Variants in CADM2 observed in about 807,000 individuals in gnomAD.
CADM2 encodes the protein cell adhesion molecule 2.
CADM2 carries 12 observed loss-of-function variants against 49.8 expected under a neutral mutation model. The observed-to-expected ratio is 0.24, with a 90% CI of 0.15 to 0.39. The LOEUF is 0.39. Ranked by LOEUF, CADM2 falls within the 10% of genes least tolerant of loss-of-function variation. The probability of loss-of-function intolerance (pLI) is 1.00; values close to 1 mark genes in which losing one functional copy is unlikely to be tolerated. For missense variants in CADM2, 378 were observed against 492.3 expected, an observed-to-expected ratio of 0.77 and a Z score of 2.20; for synonymous variants, 214 against 175.4, an observed-to-expected ratio of 1.22 and a Z score of -1.74.
At chr3:85,642,836 G>T (rs1026543900) in intron 1 of CADM2, among the ~76,000 whole-genome samples, 2 of 152,228 alleles carry the variant, frequency 1.3e-5, no homozygotes, top group Non-Finnish European at 1.5e-5. Context: ...TTGTTACAGG[G>T]TACAATTTAA....
chr3:85,205,572 A>G (rs2041612149), intron 1 of CADM2, among the ~76,000 whole-genome samples: 1 of 152,158 alleles, frequency 6.6e-6, no homozygotes, highest in Non-Finnish European at 1.5e-5. Context: ...ATATGCCATA[A>G]TTTTAGAAAA....
At chr3:85,676,219 A>C (rs2065881914) in intron 1 of CADM2, among the ~76,000 whole-genome samples, 1 of 152,146 alleles carries the variant, frequency 6.6e-6, no homozygotes, top group Admixed American at 6.5e-5. Context: ...ACGGGCTTAA[A>C]TTTCTCTTAA....
intron 1 of CADM2, among the ~76,000 whole-genome samples, chr3:85,106,085 A>G (rs1028375140): frequency 6.6e-5 from 10 of 152,188 alleles, no homozygotes; most frequent in African/African-American, 2.4e-4. Flanking sequence ...CCTAAAACTT[A>G]AAGTACAATA....
At chr3:85,959,516 A>G (rs929380921) in intron 7 of CADM2, among the ~76,000 whole-genome samples, 3 of 151,842 alleles carry the variant, frequency 2.0e-5, no homozygotes, top group African/African-American at 7.2e-5. Context: ...AGAACATCTC[A>G]TAGGAGCATC....
At chr3:85,836,022 T>C (rs1484322908) in intron 3 of CADM2, among the ~76,000 whole-genome samples, 1 of 151,486 alleles carries the variant, frequency 6.6e-6, no homozygotes, top group Non-Finnish European at 1.5e-5. Flanking sequence ...CTATTTTAAA[T>C]GTCATAATTG....
At position 85,616,169 on chromosome 3, in the gene CADM2, C is replaced by T. The variant is rs115708939; in HGVS notation, c.62-110353C>T. Among the ~76,000 whole-genome samples, 262 of 151,598 alleles carry T rather than the reference C, an allele frequency of 1.7e-3. 2 individuals are homozygous for T. Among genetic ancestry groups the T allele is most frequent in the East Asian group, 6.6e-3 (34 of 5,134 alleles). On this transcript the variant is annotated intron_variant, in intron 1 of 9. Coordinates refer to ENST00000383699, the MANE Select transcript of CADM2 (RefSeq NM_001167675.2). Reference sequence around the variant, plus strand: ...GAAAAAATGTGAAATTTGACAGTCACCTAATATAAACCAAGAGCTGATATA... The same window carrying T: ...GAAAAAATGTGAAATTTGACAGTCATCTAATATAAACCAAGAGCTGATATA...
At chr3:85,226,553 T>A (rs2042165894) in intron 1 of CADM2, among the ~76,000 whole-genome samples, 1 of 152,102 alleles carries the variant, frequency 6.6e-6, no homozygotes, top group African/African-American at 2.4e-5. Context: ...ATTTTGTTGA[T>A]CTTTTCCAAA....
At chr3:85,335,211 T>A (rs1355953495) in intron 1 of CADM2, among the ~76,000 whole-genome samples, 2 of 151,528 alleles carry the variant, frequency 1.3e-5, no homozygotes, top group African/African-American at 4.8e-5. Flanking sequence ...TAACCTAGCT[T>A]CCATTCCTCA....
chr3:85,574,981 A>T (rs6788098), intron 1 of CADM2, among the ~76,000 whole-genome samples: 78,033 of 151,900 alleles, frequency 0.51, 23,064 homozygotes, highest in East Asian at 0.85. Flanking sequence ...TAGATAGACT[A>T]TAGGAGAGTG....
chr3:85,467,083 T>C (rs911677656), intron 1 of CADM2, among the ~76,000 whole-genome samples: 2 of 152,196 alleles, frequency 1.3e-5, no homozygotes, highest in African/African-American at 4.8e-5. Flanking sequence ...TAAATTCTTA[T>C]AGCAACTACC....
chr3:85,710,486 G>A (rs2067085507), intron 1 of CADM2, among the ~76,000 whole-genome samples: 2 of 151,898 alleles, frequency 1.3e-5, no homozygotes, highest in Admixed American at 6.6e-5. Flanking sequence ...ATCTTGACTT[G>A]AATTACTCTC....
intron 1 of CADM2, among the ~76,000 whole-genome samples, chr3:85,657,777 C>CACAGATATATATATAT (rs1559574754): frequency 7.2e-5 from 8 of 111,214 alleles, no homozygotes; most frequent in African/African-American, 2.1e-4. Context: ...TATATATATA[C>CACAGATATATATATAT]ATATACATGT....
intron 3 of CADM2, among the ~76,000 whole-genome samples, chr3:85,869,339 T>C (rs940476899): frequency 1.3e-5 from 2 of 152,072 alleles, no homozygotes; most frequent in African/African-American, 4.8e-5. Flanking sequence ...AGAAAAGTAG[T>C]CAGCTTCGTT....
intron 1 of CADM2, among the ~76,000 whole-genome samples, chr3:84,973,525 C>T (rs775470502): frequency 3.3e-5 from 5 of 151,944 alleles, no homozygotes; most frequent in African/African-American, 4.8e-5. Context: ...CTGATTTGTT[C>T]GAGAGGATGA....
At chr3:85,908,855 G>C (rs1717173614) in intron 5 of CADM2, among the ~76,000 whole-genome samples, 1 of 151,814 alleles carries the variant, frequency 6.6e-6, no homozygotes, top group Non-Finnish European at 1.5e-5. Context: ...CTCCTGAGTA[G>C]CTGGGACTAC....
intron 1 of CADM2, among the ~76,000 whole-genome samples, chr3:84,984,048 T>TATATACACAC (rs1224516135): frequency 2.1e-5 from 3 of 143,234 alleles, no homozygotes; most frequent in Non-Finnish European, 3.0e-5. Flanking sequence ...TATATATATA[T>TATATACACAC]ACACACACAC....
chr3:85,371,460 A>G (rs4856568), intron 1 of CADM2, among the ~76,000 whole-genome samples: 125,897 of 151,620 alleles, frequency 0.83, 55,559 homozygotes, highest in Non-Finnish European at 0.96. Context: ...TGTACCCTAA[A>G]AGTAATAGGT....
intron 3 of CADM2, among the ~76,000 whole-genome samples, chr3:85,846,008 C>A (rs2074862921): frequency 6.6e-6 from 1 of 151,922 alleles, no homozygotes; most frequent in Non-Finnish European, 1.5e-5. Context: ...CTGGGATATT[C>A]CAGGACAGAG....
intron 1 of CADM2, among the ~76,000 whole-genome samples, chr3:85,714,424 T>C (rs2067216695): frequency 6.6e-6 from 1 of 152,042 alleles, no homozygotes; most frequent in Admixed American, 6.6e-5. Flanking sequence ...TTTCTGTTTT[T>C]TGTTTGTTTG....
Sources: allele counts gnomAD v4.1 joint callset (sites outside exome capture counted in the v4.1 genomes callset), GRCh38; gene constraint gnomAD v4.1.1; transcripts MANE v1.5; gene names NCBI Gene and HGNC (gene_info 2026-07-23, HGNC 2026-07-21).